The following ASAH2 variants were observed in gnomAD, a reference collection of about 807,000 sequenced individuals.
ASAH2 encodes N-acylsphingosine amidohydrolase 2, also known as neutral ceramidase.
A neutral mutation model predicts 82.9 loss-of-function variants in ASAH2; 58 were observed. The ratio of observed to expected loss-of-function variants is 0.70; its 90% CI spans 0.57 to 0.87. The LOEUF is 0.87. Among genes scored for constraint, ASAH2 ranks in the 40% least tolerant of loss-of-function variants. The pLI is 0.00. For synonymous variants in ASAH2, 276 were observed against 289.7 expected (o/e 0.95, Z 0.48); for missense variants, 779 against 834.0 (o/e 0.93, Z 0.81).
chr10:50,219,882 A>G (rs1241339372), intron 7 of ASAH2, among the ~76,000 whole-genome samples: 2 of 152,240 alleles, frequency 1.3e-5, no homozygotes, highest in Admixed American at 6.5e-5. Context: ...TAAAGTTCAC[A>G]GCCTCTACTC....
At position 50,219,122 on chromosome 10, in the gene ASAH2, A is replaced by G. The variant is rs1016170755; in HGVS notation, c.894-492T>C. Among the ~76,000 whole-genome samples the G allele has an allele frequency of 7.9e-5, 12 of 152,362 alleles. 1 individual carries two copies. In the South Asian group the frequency reaches 1.7e-3, roughly 21 times the overall value. On this transcript the variant is annotated intron_variant, in intron 7 of 20. Transcript: ENST00000682911. ...ACAAACGTTGCGAAGAAACAGGCAT[A>G]AAGTGTTCAGGGACCACAGATGACT... is the stretch of plus-strand genomic sequence containing the variant.
At chr10:50,209,439 T>A (rs1845393632) in intron 12 of ASAH2, among the ~76,000 whole-genome samples, 1 of 152,160 alleles carries the variant, frequency 6.6e-6, no homozygotes, top group Non-Finnish European at 1.5e-5. Context: ...AACATCTGCC[T>A]CCCGGTTTCA....
At chr10:50,206,138 C>T in intron 12 of ASAH2, 41 bp from the exon 13 acceptor site, 1 of 1,399,800 alleles carries the variant, frequency 7.1e-7, no homozygotes. Context: ...CTTGAACCAA[C>T]CCTCTCAAAA....
chr10:50,206,041 G>T lies in ASAH2; in HGVS notation c.1471C>A (p.Pro491Thr), dbSNP rs1475400057. Residue 491 changes from proline to threonine, a missense_variant, in exon 13 of 21, where the codon CCA (proline) becomes ACA (threonine). Transcript: ENST00000682911. ...DTIRDQILGKPSEEIKECHKP... is the reference protein window; with the variant it reads ...DTIRDQILGKTSEEIKECHKP... ...TGACATTCTTTAATTTCTTCAGATG[G>T]CTTTCCCAGGATCTGGTCCCGAATG... is the stretch of plus-strand genomic sequence containing the variant. 2.5e-5 allele frequency: 41 copies of T among 1,612,468 alleles called. No homozygotes were observed. Among genetic ancestry groups the T allele is most frequent in the Non-Finnish European group, 3.3e-5 (39 of 1,178,910 alleles).
intron 7 of ASAH2, among the ~76,000 whole-genome samples, chr10:50,221,735 CAGATAG>C (rs1442421455): frequency 1.8e-4 from 24 of 131,138 alleles, no homozygotes; most frequent in Admixed American, 6.9e-4. Context: ...TAGATAGATA[CAGATAG>C]AGATAGAGAT....
intron 8 of ASAH2, among the ~76,000 whole-genome samples, chr10:50,217,615 A>T (rs556964336): frequency 6.6e-6 from 1 of 152,150 alleles, no homozygotes; most frequent in Non-Finnish European, 1.5e-5. Flanking sequence ...CCCTCACCAG[A>T]TGGAGTTGTT....
intron 18 of ASAH2, among the ~76,000 whole-genome samples, chr10:50,195,988 C>G (rs1844968178): frequency 6.6e-6 from 1 of 151,800 alleles, no homozygotes; most frequent in African/African-American, 2.4e-5. Context: ...TACTGTACAA[C>G]TTGATGGCTT....
At chr10:50,245,123 GATA>G (rs764972618) in intron 3 of ASAH2, 96 bp downstream of exon 3, 113 of 1,042,060 alleles carry the variant, frequency 1.1e-4, no homozygotes, top group East Asian at 1.0e-3. Context: ...GCTAAAAGAA[GATA>G]ATGATGATGT....
At chr10:50,228,105 C>T (rs1171536567) in intron 7 of ASAH2, among the ~76,000 whole-genome samples, 7 of 152,254 alleles carry the variant, frequency 4.6e-5, no homozygotes, top group Middle Eastern at 3.4e-3. Flanking sequence ...GGGAGGATCC[C>T]TTGAGGCCAG....
At chr10:50,216,737 A>T (rs1845611755) in intron 8 of ASAH2, among the ~76,000 whole-genome samples, 1 of 152,164 alleles carries the variant, frequency 6.6e-6, no homozygotes, top group South Asian at 2.1e-4. Context: ...CCACTCTACC[A>T]TTCTACCTTA....
rs988881889 is a variant in ASAH2 at position 50,203,577 on chromosome 10, A to G, written c.1665+63T>C. 921 of 1,319,440 alleles carry G rather than the reference A, an allele frequency of 7.0e-4. 4 individuals are homozygous for G. Among genetic ancestry groups the G allele is most frequent in the African/African-American group, 2.5e-3 (172 of 69,948 alleles). The allele number at this position is 1,319,440 out of a possible 1,614,324, so 81.7% of individuals were successfully genotyped here. A position where few individuals can be genotyped will look rare whatever the true frequency, so the allele number is the denominator to read the frequency against. The stretch of plus-strand genomic sequence containing the variant: ...ACTCTAGATATAGGATCATAGGGAT[A>G]GGATATACTTTCCTCTTCACCAAAC... On this transcript the variant is annotated intron_variant, in intron 15 of 20. Coordinates refer to ENST00000682911, the MANE Select transcript of ASAH2 (RefSeq NM_019893.4).
rs1383886681 is a variant in ASAH2 at position 50,233,833 on chromosome 10, C to T, written c.816-572G>A. On this transcript the variant is annotated intron_variant, in intron 6 of 20. Transcript: ENST00000682911. ...CTTCTCTTCTGTTACAAACCTGGTT[C>T]ATCACTTAAAAAAAGACAAAAAGGC... is the stretch of plus-strand genomic sequence containing the variant. Among the ~76,000 whole-genome samples, 9 of 152,148 alleles carry T rather than the reference C, an allele frequency of 5.9e-5. No individual in the cohort carries two copies. The East Asian group carries it at 1.5e-3, about 26-fold the overall frequency.
chr10:50,207,649 T>C (rs567514746), intron 12 of ASAH2, among the ~76,000 whole-genome samples: 32 of 148,842 alleles, frequency 2.1e-4, no homozygotes, highest in Non-Finnish European at 4.3e-4. Context: ...AAAAAAACTA[T>C]AAAAAGTAAA....
At chr10:50,203,015 A>G (rs1178431316) in intron 15 of ASAH2, 91 bp from the exon 16 acceptor site, 3 of 902,022 alleles carry the variant, frequency 3.3e-6, no homozygotes, top group East Asian at 2.5e-5. Flanking sequence ...CATTGATTAC[A>G]CTATTAGTTT....
intron 14 of ASAH2, among the ~76,000 whole-genome samples, chr10:50,204,233 CTGTGT>C (rs1845235204): frequency 6.6e-6 from 1 of 151,620 alleles, no homozygotes; most frequent in South Asian, 2.1e-4. Flanking sequence ...AATCTAGCTG[CTGTGT>C]TGAGAAAAAA....
intron 8 of ASAH2, among the ~76,000 whole-genome samples, chr10:50,218,039 T>G (rs1177886320): frequency 2.0e-5 from 3 of 152,098 alleles, no homozygotes; most frequent in Non-Finnish European, 4.4e-5. Flanking sequence ...GCACAAGAGT[T>G]GCTGAACCTG....
intron 7 of ASAH2, 42 bp from the exon 8 acceptor site, chr10:50,218,672 G>A (rs975611099): frequency 6.2e-7 from 1 of 1,612,782 alleles, no homozygotes. Flanking sequence ...AGGAGAACGA[G>A]AGAACTGGGG....
chr10:50,204,833 T>C lies in ASAH2; in HGVS notation c.1625+28A>G, dbSNP rs926924055. On this transcript the variant is annotated intron_variant, in intron 14 of 20. Coordinates refer to ENST00000682911, the MANE Select transcript of ASAH2 (RefSeq NM_019893.4). ...ACAGAACATACAACAAACACATTTT[T>C]AACTAAGTAATAAAAAGAAAAACTT... The C allele has an allele frequency of 8.9e-3, 13,389 of 1,497,410 alleles. 72 individuals carry two copies. Among genetic ancestry groups the C allele is most frequent in the South Asian group, 0.011 (930 of 85,660 alleles). 92.8% of individuals were successfully genotyped at this position (1,497,410 alleles called of 1,614,324 possible).
rs1368325084 is a variant in ASAH2 at position 50,186,905 on chromosome 10, C to G, written c.*410G>C. Reference sequence around the variant, plus strand: ...TTCCCAGTACTAATATTCAGTAATTCTATATATAAATAAATAATTTAAACA... The same window carrying G: ...TTCCCAGTACTAATATTCAGTAATTGTATATATAAATAAATAATTTAAACA... On this transcript the variant is annotated 3_prime_UTR_variant, in exon 21 of 21. Coordinates refer to ENST00000682911, the MANE Select transcript of ASAH2 (RefSeq NM_019893.4). 1 of 127,004 alleles carries G rather than the reference C, an allele frequency of 7.9e-6. No homozygotes were observed. The highest frequency in any genetic ancestry group is 1.6e-5 in the Non-Finnish European group (1 of 61,448). The allele number at this position is 127,004 out of a possible 1,614,324, so 7.9% of individuals were successfully genotyped here.
Sources: allele counts gnomAD v4.1 joint callset (sites outside exome capture counted in the v4.1 genomes callset), GRCh38; gene constraint gnomAD v4.1.1; transcripts MANE v1.5; gene names NCBI Gene and HGNC (gene_info 2026-07-23, HGNC 2026-07-21).